TSC22D1: variants seen among roughly 807,000 people sequenced by gnomAD.
TSC22D1 encodes TSC22 domain family member 1, also known as TSC22 domain family protein 1.
Under a neutral mutation model 74.2 loss-of-function variants are expected in TSC22D1, and 9 were observed. The observed-to-expected ratio is 0.12, with a 90% CI of 0.07 to 0.21. The LOEUF (loss-of-function observed/expected upper bound fraction) is 0.21. TSC22D1 is among the 10% of genes least tolerant of loss of function. The probability of loss-of-function intolerance (pLI) is 1.00; values close to 1 mark genes in which losing one functional copy is unlikely to be tolerated. For missense variants in TSC22D1, 1,427 were observed against 1,304.7 expected (o/e 1.09, Z -1.44); for synonymous variants, 586 against 492.5 (o/e 1.19, Z -2.51).
intron 1 of TSC22D1, among the ~76,000 whole-genome samples, chr13:44,448,866 G>A (rs118075502): frequency 0.017 from 2,607 of 149,820 alleles, 29 homozygotes; most frequent in Middle Eastern, 0.037. Context: ...GTGTGCCCTA[G>A]AAGTGCACAC....
chr13:44,554,630 C>CAAAAAAAAAA (rs59922380), intron 1 of TSC22D1, among the ~76,000 whole-genome samples: 3 of 68,614 alleles, frequency 4.4e-5, no homozygotes, highest in African/African-American at 9.5e-5. Context: ...ATACCAGGAA[C>CAAAAAAAAAA]AAAAAAAAAA....
intron 1 of TSC22D1, among the ~76,000 whole-genome samples, chr13:44,442,601 A>G (rs1260409949): frequency 6.6e-6 from 1 of 152,186 alleles, no homozygotes; most frequent in African/African-American, 2.4e-5. Flanking sequence ...CCAAAATAAA[A>G]CACAGAAGAA....
At chr13:44,439,042 T>G (rs1462829829) in intron 1 of TSC22D1, among the ~76,000 whole-genome samples, 2 of 152,266 alleles carry the variant, frequency 1.3e-5, no homozygotes, top group Non-Finnish European at 2.9e-5. Flanking sequence ...CTGAATTTAT[T>G]CATGCCGTTC....
chr13:44,485,069 A>C (rs1191871415), intron 1 of TSC22D1, among the ~76,000 whole-genome samples: 3 of 152,206 alleles, frequency 2.0e-5, no homozygotes, highest in Non-Finnish European at 4.4e-5. Context: ...TAAATATTGG[A>C]GTCCATCCTC....
chr13:44,503,840 A>G (rs954928469), intron 1 of TSC22D1, among the ~76,000 whole-genome samples: 2 of 152,110 alleles, frequency 1.3e-5, no homozygotes, highest in African/African-American at 4.8e-5. Context: ...AATTTCTTGA[A>G]TATATCTACA....
intron 1 of TSC22D1, among the ~76,000 whole-genome samples, chr13:44,569,944 A>C (rs1490974090): frequency 6.6e-6 from 1 of 152,218 alleles, no homozygotes; most frequent in African/African-American, 2.4e-5. Flanking sequence ...TTATAATTGA[A>C]TGTGTACAGT....
At chr13:44,571,233 T>C (rs1883742947) in intron 1 of TSC22D1, among the ~76,000 whole-genome samples, 1 of 152,260 alleles carries the variant, frequency 6.6e-6, no homozygotes, top group Non-Finnish European at 1.5e-5. Flanking sequence ...TATTTCCTTA[T>C]TTCTCAGTAT....
At chr13:44,483,136 G>A (rs2137937042) in intron 1 of TSC22D1, among the ~76,000 whole-genome samples, 1 of 152,222 alleles carries the variant, frequency 6.6e-6, no homozygotes, top group South Asian at 2.1e-4. Flanking sequence ...GTACGATGCA[G>A]AGTTAGACAT....
intron 1 of TSC22D1, among the ~76,000 whole-genome samples, chr13:44,444,582 A>G (rs1875487210): frequency 6.6e-6 from 1 of 152,070 alleles, no homozygotes; most frequent in East Asian, 1.9e-4. Context: ...AATAAAGGTC[A>G]TTATAATGAT....
At chr13:44,473,960 T>C (rs950583338) in intron 1 of TSC22D1, among the ~76,000 whole-genome samples, 1 of 152,220 alleles carries the variant, frequency 6.6e-6, no homozygotes, top group African/African-American at 2.4e-5. Context: ...AAAAGGACTA[T>C]ACAATTCATC....
chr13:44,437,353 G>A (rs1874798315), intron 1 of TSC22D1: 2 of 663,946 alleles, frequency 3.0e-6, no homozygotes, highest in East Asian at 1.4e-4. Context: ...GTACTGGGAG[G>A]ATTTTATAGA....
chr13:44,435,973 T>G (rs539368987), intron 2 of TSC22D1, 71 bp downstream of exon 2: 3 of 1,436,034 alleles, frequency 2.1e-6, no homozygotes, highest in Non-Finnish European at 2.9e-6. Flanking sequence ...AGGGATGCAC[T>G]GGTTCCACAA....
intron 1 of TSC22D1, among the ~76,000 whole-genome samples, chr13:44,438,495 G>A (rs1049735469): frequency 1.3e-5 from 2 of 152,106 alleles, no homozygotes; most frequent in African/African-American, 2.4e-5. Context: ...AGACCAGATC[G>A]GTAAGCACAG....
chr13:44,532,245 T>C (rs75410092), intron 1 of TSC22D1, among the ~76,000 whole-genome samples: 1 of 152,342 alleles, frequency 6.6e-6, no homozygotes, highest in East Asian at 1.9e-4. Flanking sequence ...GCCTAATTTT[T>C]AGAAACAAAA....
In TSC22D1 at chr13:44,537,516, G is replaced by A. The variant is rs1033072399; in HGVS notation, c.2912+35647C>T. ...GGCCACACAAAGCGGTTTCTACTGT[G>A]GTTCAAAGAGTTCAACTAACTTAAT... On this transcript the variant is annotated intron_variant, in intron 1 of 2. Transcript: ENST00000458659. The A allele has an allele frequency of 4.1e-6, 4 of 984,870 alleles. No individual in the cohort carries two copies. The South Asian group carries it at 1.4e-4, about 35-fold the overall frequency. 61.0% of individuals were successfully genotyped at this position (984,870 alleles called of 1,614,324 possible). A position where few individuals can be genotyped will look rare whatever the true frequency, so the allele number is the denominator to read the frequency against.
intron 1 of TSC22D1, among the ~76,000 whole-genome samples, chr13:44,557,148 G>GAA (rs1009761458): frequency 7.7e-6 from 1 of 129,892 alleles, no homozygotes; most frequent in Non-Finnish European, 1.6e-5. Context: ...AGTCTCAAAG[G>GAA]AAAAAAAAAA....
At chr13:44,523,404 C>T (rs769458616) in intron 1 of TSC22D1, among the ~76,000 whole-genome samples, 1 of 152,140 alleles carries the variant, frequency 6.6e-6, no homozygotes, top group African/African-American at 2.4e-5. Flanking sequence ...AGCTGTCCTT[C>T]ATTAGATGAT....
At chr13:44,448,024 C>G (rs1196735306) in intron 1 of TSC22D1, among the ~76,000 whole-genome samples, 1 of 151,778 alleles carries the variant, frequency 6.6e-6, no homozygotes, top group Non-Finnish European at 1.5e-5. Flanking sequence ...TCATAAATTA[C>G]CACTTCTGCT....
At chr13:44,546,368 T>C (rs1595153758) in intron 1 of TSC22D1, among the ~76,000 whole-genome samples, 1 of 152,126 alleles carries the variant, frequency 6.6e-6, no homozygotes, top group East Asian at 1.9e-4. Context: ...TCACCAATAA[T>C]GGGATGGATC....
Sources: gnomAD v4.1 joint callset for allele counts (sites outside exome capture counted in the v4.1 genomes callset) on GRCh38, gnomAD v4.1.1 for gene constraint, MANE v1.5 for transcripts, NCBI Gene and HGNC (gene_info 2026-07-23, HGNC 2026-07-21) for gene names.